SPRED2: variants seen among roughly 807,000 people sequenced by gnomAD.
SPRED2 encodes sprouty-related, EVH1 domain-containing protein 2.
SPRED2 carries 47 observed loss-of-function variants against 43.0 expected under a neutral mutation model. The observed-to-expected ratio is 1.09, with a 90% CI of 0.87 to 1.40. SPRED2 has a LOEUF of 1.40. SPRED2 is among the 40% of genes most tolerant of loss of function. The pLI, the probability that SPRED2 is intolerant of heterozygous loss-of-function variation, is 0.00. For missense variants in SPRED2, 561 were observed against 586.4 expected (o/e 0.96, Z 0.45); for synonymous variants, 225 against 225.7 (o/e 1.00, Z 0.03).
intron 1 of SPRED2, among the ~76,000 whole-genome samples, chr2:65,397,835 T>C (rs1024891231): frequency 2.6e-5 from 4 of 151,940 alleles, no homozygotes; most frequent in Non-Finnish European, 5.9e-5. Flanking sequence ...ACAAATTCAA[T>C]GCAATTCCCA....
intron 1 of SPRED2, among the ~76,000 whole-genome samples, chr2:65,356,521 GTTCCCCA>G: frequency 3.0e-5 from 1 of 33,742 alleles, no homozygotes; most frequent in South Asian, 1.2e-3. Context: ...TTAGAGTGCA[GTTCCCCA>G]GTTCCCTCTT....
intron 2 of SPRED2, among the ~76,000 whole-genome samples, chr2:65,339,201 A>G (rs182694703): frequency 0.22 from 30,231 of 139,282 alleles, 3,669 homozygotes; most frequent in African/African-American, 0.35. Flanking sequence ...CCCTCTGCCC[A>G]GCCACCACCC....
chr2:65,356,532 CCCTCTTTTTTTTT>C (rs1674653942), intron 1 of SPRED2, among the ~76,000 whole-genome samples: 2 of 52,484 alleles, frequency 3.8e-5, no homozygotes, highest in Non-Finnish European at 8.2e-5. Context: ...TTCCCCAGTT[CCCTCTTTTTTTTT>C]TTTTTTTTTT....
chr2:65,326,278 G>A (rs887459094), intron 4 of SPRED2, among the ~76,000 whole-genome samples: 1 of 152,030 alleles, frequency 6.6e-6, no homozygotes, highest in African/African-American at 2.4e-5. Flanking sequence ...TGTCTCAGAA[G>A]GCTACTGGCT....
intron 4 of SPRED2, among the ~76,000 whole-genome samples, chr2:65,322,503 C>T (rs977298200): frequency 1.3e-5 from 2 of 151,820 alleles, no homozygotes; most frequent in Admixed American, 6.6e-5. Context: ...CCTTGTTAGC[C>T]AGGATGGTCT....
chr2:65,375,932 C>A (rs2103624653), intron 1 of SPRED2, among the ~76,000 whole-genome samples: 1 of 152,258 alleles, frequency 6.6e-6, no homozygotes, highest in Non-Finnish European at 1.5e-5. Context: ...CCAAAGCTAC[C>A]AGGGTGGGAC....
rs115997849 is a variant in SPRED2 at position 65,390,613 on chromosome 2, C to T, written c.26+41349G>A. Among the ~76,000 whole-genome samples, 498 of 152,232 alleles carry T rather than the reference C, an allele frequency of 3.3e-3. 1 individual carries two copies. The highest frequency in any genetic ancestry group is 0.011 in the African/African-American group (461 of 41,522). On this transcript the variant is annotated intron_variant, in intron 1 of 5. Coordinates refer to ENST00000356388, the MANE Select transcript of SPRED2 (RefSeq NM_181784.3). ...GGGTGAATTACTCCATGTCTCTATG[C>T]CTCTGTAAATGGGGATGCAACAACA...
chr2:65,387,370 C>T (rs1675525740), intron 1 of SPRED2, among the ~76,000 whole-genome samples: 1 of 152,204 alleles, frequency 6.6e-6, no homozygotes, highest in South Asian at 2.1e-4. Flanking sequence ...GTCTTGTTTC[C>T]ATAGCTAAAA....
chr2:65,385,677 G>A (rs551835219), intron 1 of SPRED2, among the ~76,000 whole-genome samples: 19 of 152,206 alleles, frequency 1.2e-4, no homozygotes, highest in African/African-American at 3.9e-4. Flanking sequence ...GAAGGAGAAG[G>A]GCAAGAACCT....
intron 1 of SPRED2, among the ~76,000 whole-genome samples, chr2:65,388,056 T>C (rs754100897): frequency 2.6e-5 from 4 of 152,214 alleles, no homozygotes; most frequent in Admixed American, 6.5e-5. Context: ...CCCAAAGTGC[T>C]GGGATTACAG....
At chr2:65,334,261 T>C (rs1287330723) in intron 3 of SPRED2, 3 of 477,314 alleles carry the variant, frequency 6.3e-6, no homozygotes, top group East Asian at 1.4e-4. Context: ...ATCCATTCTC[T>C]ACTTCTGAGC....
intron 1 of SPRED2, among the ~76,000 whole-genome samples, chr2:65,430,214 A>G (rs1177245634): frequency 6.6e-6 from 1 of 152,224 alleles, no homozygotes; most frequent in African/African-American, 2.4e-5. Context: ...CTAAAAGCGC[A>G]ACTTTTTTTC....
Position 65,311,376 on chromosome 2 carries a change from A to T in SPRED2, c.*2125T>A. ...AGCGTAACTCTTAAAAGGGTGGAAA[A>T]GGACAAGGGGTGAAAGAAGAGAGAA... On this transcript the variant is annotated 3_prime_UTR_variant, in exon 6 of 6. Transcript: ENST00000356388. 5.1e-6 allele frequency: 5 copies of T among 985,898 alleles called. No individual in the cohort carries two copies. Among genetic ancestry groups the T allele is most frequent in the Non-Finnish European group, 6.0e-6 (5 of 829,948 alleles). 61.1% of individuals were successfully genotyped at this position (985,898 alleles called of 1,614,324 possible).
Position 65,311,773 on chromosome 2 carries a change from C to A in SPRED2, c.*1728G>T, listed in dbSNP as rs1673074363. ...TCATAAGCACACTGGGTATTTACAC[C>A]GGTAATCTACTAAAGAAAATCGATG... On this transcript the variant is annotated 3_prime_UTR_variant, in exon 6 of 6. Coordinates refer to ENST00000356388, the MANE Select transcript of SPRED2 (RefSeq NM_181784.3). 1.5e-5 allele frequency: 15 copies of A among 985,280 alleles called. No homozygotes were observed. Among genetic ancestry groups the A allele is most frequent in the South Asian group, 4.7e-5 (1 of 21,288 alleles). The allele number at this position is 985,280 out of a possible 1,614,324, so 61.0% of individuals were successfully genotyped here. A position where few individuals can be genotyped will look rare whatever the true frequency, so the allele number is the denominator to read the frequency against.
intron 1 of SPRED2, among the ~76,000 whole-genome samples, chr2:65,386,722 T>G (rs1394574196): frequency 1.3e-5 from 2 of 152,242 alleles, no homozygotes; most frequent in African/African-American, 4.8e-5. Flanking sequence ...AATTTCAGGT[T>G]TGGGCTCTTC....
chr2:65,410,535 G>A (rs1001674200), intron 1 of SPRED2, among the ~76,000 whole-genome samples: 13 of 152,088 alleles, frequency 8.5e-5, no homozygotes, highest in African/African-American at 2.2e-4. Flanking sequence ...CGAGGCGGGC[G>A]GATCACAAGG....
intron 1 of SPRED2, among the ~76,000 whole-genome samples, chr2:65,368,511 T>C (rs1675041010): frequency 6.6e-6 from 1 of 152,188 alleles, no homozygotes; most frequent in Admixed American, 6.5e-5. Flanking sequence ...CTATAGTATT[T>C]TGGAGAAATA....
intron 1 of SPRED2, among the ~76,000 whole-genome samples, chr2:65,399,095 G>T (rs895455642): frequency 6.6e-6 from 1 of 151,870 alleles, no homozygotes; most frequent in Non-Finnish European, 1.5e-5. Flanking sequence ...TGGCTAACAC[G>T]GTGAAACCCT....
chr2:65,326,490 A>G (rs1242800352), intron 4 of SPRED2, among the ~76,000 whole-genome samples: 2 of 152,224 alleles, frequency 1.3e-5, no homozygotes, highest in African/African-American at 4.8e-5. Flanking sequence ...CAGATCAGGA[A>G]GTAGGCCAGA....
Sources: allele counts gnomAD v4.1 joint callset (sites outside exome capture counted in the v4.1 genomes callset), GRCh38; gene constraint gnomAD v4.1.1; transcripts MANE v1.5; gene names NCBI Gene and HGNC (gene_info 2026-07-23, HGNC 2026-07-21).